The following PWWP3A variants were observed in gnomAD, a reference collection of about 807,000 sequenced individuals.
PWWP3A encodes the protein PWWP domain containing 3A, DNA repair factor.
PWWP3A carries 53 observed loss-of-function variants against 79.0 expected under a neutral mutation model. The ratio of observed to expected loss-of-function variants is 0.67; its 90% CI spans 0.54 to 0.84. The LOEUF is 0.84. Ranked by LOEUF, PWWP3A falls within the 40% of genes least tolerant of loss-of-function variation. The probability of loss-of-function intolerance (pLI) is 0.00; values close to 1 mark genes in which losing one functional copy is unlikely to be tolerated. For missense variants in PWWP3A, 973 were observed against 948.0 expected, an observed-to-expected ratio of 1.03 and a Z score of -0.35; for synonymous variants, 443 against 394.4, an observed-to-expected ratio of 1.12 and a Z score of -1.46.
chr19:1,370,251 C>T (rs1009445941), intron 11 of PWWP3A, among the ~76,000 whole-genome samples: 1 of 152,108 alleles, frequency 6.6e-6, no homozygotes, highest in Non-Finnish European at 1.5e-5. Flanking sequence ...GAGAACGTGT[C>T]ACGAACACCG....
rs374586465 is a variant in PWWP3A, at chr19:1,371,036, C to T, written c.1944C>T (p.Asn648=). Residue 648 remains asparagine, a synonymous_variant, in exon 12 of 14, where the codon AAC becomes AAT. Coordinates refer to ENST00000591337, the MANE Select transcript of PWWP3A (RefSeq NM_001369789.1). Reference sequence around the variant, plus strand: ...GGGCCAAGGTGCTCCAGCGCACCAACGGCGACCGGATCCGGTTCATTCTGG... The same window carrying T: ...GGGCCAAGGTGCTCCAGCGCACCAATGGCGACCGGATCCGGTTCATTCTGG... ...EVGAKVLQRT[N]GDRIRFILDV... The T allele has an allele frequency of 6.7e-5, 106 of 1,573,574 alleles. No individual in the cohort carries two copies. In the African/African-American group the frequency reaches 1.1e-3, roughly 16 times the overall value.
At chr19:1,376,140 T>G (rs1482476800) in intron 13 of PWWP3A, among the ~76,000 whole-genome samples, 1 of 147,984 alleles carries the variant, frequency 6.8e-6, no homozygotes, top group African/African-American at 2.5e-5. Context: ...TTTTTTTTTT[T>G]TTAGAGACAG....
intron 6 of PWWP3A, among the ~76,000 whole-genome samples, chr19:1,363,237 G>A (rs2082058819): frequency 6.6e-6 from 1 of 152,206 alleles, no homozygotes; most frequent in Non-Finnish European, 1.5e-5. Context: ...CTGTTTGAGT[G>A]CTTTTCCATC....
intron 6 of PWWP3A, chr19:1,364,046 T>C: frequency 2.3e-6 from 1 of 429,852 alleles, no homozygotes; most frequent in Non-Finnish European, 4.7e-6. Context: ...TTTTCCCATT[T>C]TTGACTGTAG....
chr19:1,375,879 C>G (rs1456040013), intron 13 of PWWP3A, among the ~76,000 whole-genome samples: 1 of 142,512 alleles, frequency 7.0e-6, no homozygotes, highest in Non-Finnish European at 1.5e-5. Flanking sequence ...AGTCTCGGCC[C>G]ACTGCAACCC....
At position 1,368,085 on chromosome 19, in the gene PWWP3A, C is replaced by T. The variant is rs184343882; in HGVS notation, c.1422+865C>T. ...GACTACAGGCAGGCACCAGCACACCCGGCTAATTTTTGTATTTTTAGTAGA... is the reference window on the plus strand; with the variant it reads ...GACTACAGGCAGGCACCAGCACACCTGGCTAATTTTTGTATTTTTAGTAGA... On this transcript the variant is annotated intron_variant, in intron 9 of 13. Coordinates refer to ENST00000591337, the MANE Select transcript of PWWP3A (RefSeq NM_001369789.1). The surrounding 1 kb of genome is among the most constrained non-coding windows in gnomAD (Gnocchi z 4.7). 3.3e-5 allele frequency among the ~76,000 whole-genome samples: 5 copies of T among 152,212 alleles called. No individual in the cohort carries two copies. Among genetic ancestry groups the T allele is most frequent in the South Asian group, 2.1e-4 (1 of 4,822 alleles).
chr19:1,367,290 G>A (rs917329054), intron 9 of PWWP3A, 70 bp downstream of exon 9: 9 of 1,330,336 alleles, frequency 6.8e-6, no homozygotes, highest in Non-Finnish European at 8.6e-6. Flanking sequence ...TCCTCTGTGT[G>A]TAGCTCTTGA....
At chr19:1,362,437 C>T (rs909137073) in intron 6 of PWWP3A, 86 bp downstream of exon 6, 5 of 1,032,928 alleles carry the variant, frequency 4.8e-6, no homozygotes, top group Non-Finnish European at 7.2e-6. Flanking sequence ...GCCCCACATT[C>T]TCCATGAAAG....
At chr19:1,363,281 C>T (rs775853296) in intron 6 of PWWP3A, among the ~76,000 whole-genome samples, 2 of 152,230 alleles carry the variant, frequency 1.3e-5, no homozygotes, top group Non-Finnish European at 2.9e-5. Context: ...TCACATTTTC[C>T]CTTTTTTTTG....
At position 1,370,312 on chromosome 19, in the gene PWWP3A, A is replaced by T. The variant is rs1035038183; in HGVS notation, c.1550-330A>T. On this transcript the variant is annotated intron_variant, in intron 11 of 13. Transcript: ENST00000591337. ...CGATCCAGCATTTTCCTTTATCGAC[A>T]GTAGTGGAGTTTTCCATGCCTCCTG... Among the ~76,000 whole-genome samples the T allele has an allele frequency of 3.9e-5, 6 of 152,328 alleles. No homozygotes were observed. The South Asian group carries it at 1.2e-3, about 32-fold the overall frequency.
rs2082169023 is a variant in PWWP3A, at chr19:1,368,178, C to T, written c.1422+958C>T. On this transcript the variant is annotated intron_variant, in intron 9 of 13. Coordinates refer to ENST00000591337, the MANE Select transcript of PWWP3A (RefSeq NM_001369789.1). The surrounding 1 kb of genome is among the most constrained non-coding windows in gnomAD (Gnocchi z 4.7). Reference sequence around the variant, plus strand: ...GACCTCATGATCCGCCTGCCTCAGCCTCTCAAAGTGCTGGGATTACAGGTG... The same window carrying T: ...GACCTCATGATCCGCCTGCCTCAGCTTCTCAAAGTGCTGGGATTACAGGTG... Among the ~76,000 whole-genome samples the T allele has an allele frequency of 6.6e-6, 1 of 152,212 alleles. No individual in the cohort carries two copies. Among genetic ancestry groups the T allele is most frequent in the South Asian group, 2.1e-4 (1 of 4,832 alleles).
chr19:1,370,590 C>T lies in PWWP3A; in HGVS notation c.1550-52C>T, dbSNP rs987961546. The T allele has an allele frequency of 4.2e-6, 6 of 1,425,058 alleles. 1 individual carries two copies. The highest frequency in any genetic ancestry group is 4.6e-6 in the Non-Finnish European group (5 of 1,084,140). The allele number at this position is 1,425,058 out of a possible 1,614,324, so 88.3% of individuals were successfully genotyped here. Reference sequence around the variant, plus strand: ...TCCCATCGGCCCTGACCCACAGCCACCCGAGGAAGGCAGCCCACGCGCTGG... The same window carrying T: ...TCCCATCGGCCCTGACCCACAGCCATCCGAGGAAGGCAGCCCACGCGCTGG... On this transcript the variant is annotated intron_variant, in intron 11 of 13. Coordinates refer to ENST00000591337, the MANE Select transcript of PWWP3A (RefSeq NM_001369789.1).
At chr19:1,362,407 C>T (rs1600105421) in intron 6 of PWWP3A, 56 bp downstream of exon 6, 32 of 1,419,828 alleles carry the variant, frequency 2.3e-5, no homozygotes, top group Admixed American at 5.9e-5. Context: ...GAGGCAGCGG[C>T]GGCGGGGCTC....
At position 1,360,815 on chromosome 19, in the gene PWWP3A, T is replaced by A. The variant is rs2081995831; in HGVS notation, c.894T>A (p.Pro298=). ...PSACSEPGEC[P]AKKRPRLDGS... is the part of the protein sequence containing the mutation. ...CCTGCTCAGAGCCTGGAGAATGCCCTGCGAAAAAGAGGCCGCGCCTGGATG... is the reference window on the plus strand; with the variant it reads ...CCTGCTCAGAGCCTGGAGAATGCCCAGCGAAAAAGAGGCCGCGCCTGGATG... The change falls in exon 5 of 14, where the codon CCT becomes CCA. Residue 298 remains proline (P), a synonymous_variant. Transcript: ENST00000591337. The surrounding 1 kb of genome is among the most constrained non-coding windows in gnomAD (Gnocchi z 4.4). 6.3e-7 allele frequency: 1 copy of A among 1,581,912 alleles called. No individual in the cohort carries two copies. The highest frequency in any genetic ancestry group is 1.4e-5 in the African/African-American group (1 of 73,722).
chr19:1,371,965 C>A, intron 12 of PWWP3A: 1 of 153,594 alleles, frequency 6.5e-6, no homozygotes, highest in Non-Finnish European at 1.4e-5. Flanking sequence ...CCACGACGCC[C>A]GGCTAATTTT....
At position 1,375,620 on chromosome 19, in the gene PWWP3A, TAAC is replaced by T. The variant is rs375376346; in HGVS notation, c.2076-896_2076-894del. Among the ~76,000 whole-genome samples the T allele has an allele frequency of 5.3e-3, 261 of 49,582 alleles. 2 individuals carry two copies. Among genetic ancestry groups the T allele is most frequent in the Middle Eastern group, 9.3e-3 (1 of 108 alleles). 32.5% of individuals were successfully genotyped at this position (49,582 alleles called of 152,430 possible). On this transcript the variant is annotated intron_variant, in intron 13 of 13. Coordinates refer to ENST00000591337, the MANE Select transcript of PWWP3A (RefSeq NM_001369789.1). ...ATATATTATAATATATACAATTATA[TAAC>T]AATTTTATATATTATATAATATATA...
At chr19:1,375,532 T>TTATATATAAAATATAATATATAAA (rs1568965261) in intron 13 of PWWP3A, among the ~76,000 whole-genome samples, 2 of 112,072 alleles carry the variant, frequency 1.8e-5, no homozygotes, top group East Asian at 2.3e-4. Context: ...ATATAATTTA[T>TTATATATAAAATATAATATATAAA]ATATTTTATA....
At chr19:1,376,061 G>C (rs1432558762) in intron 13 of PWWP3A, among the ~76,000 whole-genome samples, 1 of 149,570 alleles carries the variant, frequency 6.7e-6, no homozygotes, top group Non-Finnish European at 1.5e-5. Context: ...CACCCACCTC[G>C]GCCTCCCAAA....
Position 1,357,602 on chromosome 19 carries a change from T to A in PWWP3A, c.143+508T>A, listed in dbSNP as rs193132305. The A allele has an allele frequency of 3.8e-3, 588 of 153,898 alleles. 2 individuals are homozygous for A. The highest frequency in any genetic ancestry group is 0.027 in the Middle Eastern group (8 of 298). 9.5% of individuals were successfully genotyped at this position (153,898 alleles called of 1,614,324 possible). A position where few individuals can be genotyped will look rare whatever the true frequency, so the allele number is the denominator to read the frequency against. ...AAATAACTGATGACCAGGCGGCACA[T>A]TGTTCTGCTCCGTGAGTGTCTGGCA... On this transcript the variant is annotated intron_variant, in intron 3 of 13. Transcript: ENST00000591337.
Sources: gnomAD v4.1 joint callset for allele counts (sites outside exome capture counted in the v4.1 genomes callset) on GRCh38, gnomAD v4.1.1 for gene constraint, Gnocchi (gnomAD v3.1) non-coding constraint, MANE v1.5 for transcripts, NCBI Gene and HGNC (gene_info 2026-07-23, HGNC 2026-07-21) for gene names.